GGT5: variants seen among roughly 807,000 people sequenced by gnomAD.
GGT5 encodes gamma-glutamyltransferase 5, also known as glutathione hydrolase 5 proenzyme.
GGT5 carries 50 observed loss-of-function variants against 58.1 expected under a neutral mutation model. The observed-to-expected ratio is 0.86, with a 90% CI of 0.69 to 1.09. GGT5 has a LOEUF of 1.09. Ranked by LOEUF, GGT5 falls within the 50% of genes least tolerant of loss-of-function variation. The probability of loss-of-function intolerance (pLI) is 0.00; values close to 1 mark genes in which losing one functional copy is unlikely to be tolerated. For synonymous variants in GGT5, 370 were observed against 346.1 expected, an observed-to-expected ratio of 1.07 and a Z score of -0.77; for missense variants, 800 against 789.4, an observed-to-expected ratio of 1.01 and a Z score of -0.16.
chr22:24,237,653 T>TGCC (rs1569369933), intron 1 of GGT5, among the ~76,000 whole-genome samples: 1 of 151,680 alleles, frequency 6.6e-6, no homozygotes, highest in Non-Finnish European at 1.5e-5. Context: ...GTGATCTGCC[T>TGCC]GCCTTGGCCT....
Position 24,226,209 on chromosome 22 carries a change from C to T in GGT5, c.1096G>A (p.Asp366Asn), listed in dbSNP as rs372349468. The T allele has an allele frequency of 5.6e-5, 90 of 1,609,646 alleles. No homozygotes were observed. Among genetic ancestry groups the T allele is most frequent in the Non-Finnish European group, 7.0e-5 (83 of 1,179,860 alleles). ...CTGAGCTGGTGGTCCCCCCGGCCATCGATCTGTTGGCGGATGAGCTGGGCC... is the reference window on the plus strand; with the variant it reads ...CTGAGCTGGTGGTCCCCCCGGCCATTGATCTGTTGGCGGATGAGCTGGGCC... ...TLAQLIRQQI[D>N]GRGDHQLSHY... Residue 366 changes from aspartate (D) to asparagine (N), a missense_variant, in exon 8 of 12, where the codon GAT (aspartate) becomes AAT (asparagine). Physicochemically the swap from Asp to Asn is conservative, Grantham distance 23. Transcript: ENST00000327365.
Position 24,225,644 on chromosome 22 carries a change from G to C in GGT5, c.1238C>G (p.Ala413Gly), listed in dbSNP as rs769456009. Residue 413 changes from alanine to glycine, a missense_variant, in exon 9 of 12, where the codon GCG (alanine) becomes GGG (glycine). Physicochemically the swap from Ala to Gly is moderately conservative, Grantham distance 60 (BLOSUM62 0). Coordinates refer to ENST00000327365, the MANE Select transcript of GGT5 (RefSeq NM_004121.5). ...ATSTINTPFG[A>G]MVYSPRTGII... is the part of the protein sequence containing the mutation. ...GCCTGTCCGTGGTGAATACACCATC[G>C]CTCCAAAGCTGCAGCCGTGGAGGCA... 1.2e-6 allele frequency: 2 copies of C among 1,605,830 alleles called. No individual in the cohort carries two copies. The highest frequency in any genetic ancestry group is 1.7e-6 in the Non-Finnish European group (2 of 1,172,914).
intron 5 of GGT5, among the ~76,000 whole-genome samples, chr22:24,231,802 C>T (rs2047949462): frequency 6.6e-6 from 1 of 152,080 alleles, no homozygotes; most frequent in Non-Finnish European, 1.5e-5. Flanking sequence ...ATGGTCAGCT[C>T]GGCTACCCAG....
chr22:24,231,402 T>G lies in GGT5; in HGVS notation c.883A>C (p.Ile295Leu), dbSNP rs1199287575. 1 of 1,551,574 alleles carries G rather than the reference T, an allele frequency of 6.4e-7. No homozygotes were observed. The highest frequency in any genetic ancestry group is 2.4e-5 in the East Asian group (1 of 41,006). Reference sequence around the variant, plus strand: ...GCTTTACCTCTTAGCACGTTGAGGATAAAGCTGAGAATGGCACCCCCTGCA... The same window carrying G: ...GCTTTACCTCTTAGCACGTTGAGGAGAAAGCTGAGAATGGCACCCCCTGCA... ...PPAGGAILSF[I>L]LNVLRGFNFS... Residue 295 changes from isoleucine to leucine, a missense_variant, in exon 6 of 12, where the codon ATC (isoleucine) becomes CTC (leucine). Ile to Leu is a conservative substitution (Grantham distance 5). Coordinates refer to ENST00000327365, the MANE Select transcript of GGT5 (RefSeq NM_004121.5).
intron 1 of GGT5, among the ~76,000 whole-genome samples, chr22:24,238,794 T>TA (rs113729470): frequency 0.066 from 631 of 9,600 alleles, 57 homozygotes; most frequent in Non-Finnish European, 0.074. Flanking sequence ...ATATTATATA[T>TA]TTATATATAT....
chr22:24,226,004 C>T (rs1569355918), intron 8 of GGT5, 72 bp downstream of exon 8: 1 of 1,094,988 alleles, frequency 9.1e-7, no homozygotes, highest in African/African-American at 1.6e-5. Flanking sequence ...AGTGAGGGGA[C>T]ATGGGGCTGG....
In GGT5 at chr22:24,238,854, ATT is replaced by A. The variant is rs1491472826; in HGVS notation, c.174-4852_174-4851del. On this transcript the variant is annotated intron_variant, in intron 1 of 11. Coordinates refer to ENST00000327365, the MANE Select transcript of GGT5 (RefSeq NM_004121.5). ...ATATTTATATATATATATTATATAT[ATT>A]ATATATATAATATATATAATATATA... 1.9e-3 allele frequency among the ~76,000 whole-genome samples: 30 copies of A among 15,758 alleles called. 1 individual carries two copies. The highest frequency in any genetic ancestry group is 0.01 in the African/African-American group (28 of 2,766). 10.3% of individuals were successfully genotyped at this position (15,758 alleles called of 152,430 possible).
chr22:24,220,848 G>A (rs2047569392), intron 11 of GGT5: 1 of 354,870 alleles, frequency 2.8e-6, no homozygotes, highest in Non-Finnish European at 5.5e-6. Context: ...CCTGGGCAAT[G>A]TAGCAAGATC....
At chr22:24,225,716 C>T (rs1482237289) in intron 8 of GGT5, 64 bp from the exon 9 acceptor site, 4 of 962,868 alleles carry the variant, frequency 4.2e-6, no homozygotes, top group African/African-American at 3.2e-5. Context: ...CACCACTTAC[C>T]CTGCACGCTT....
intron 1 of GGT5, among the ~76,000 whole-genome samples, chr22:24,236,948 C>T (rs12160538): frequency 9.9e-5 from 15 of 151,054 alleles, no homozygotes; most frequent in African/African-American, 1.9e-4. Flanking sequence ...CTCAAGGTGA[C>T]GGCCAATCCT....
chr22:24,236,762 CA>C (rs35357003), intron 1 of GGT5, among the ~76,000 whole-genome samples: 4,104 of 133,622 alleles, frequency 0.031, 90 homozygotes, highest in African/African-American at 0.066. Flanking sequence ...GACTCCATCT[CA>C]AAAAAAAAAA....
chr22:24,223,853 C>T (rs923810120), intron 11 of GGT5, among the ~76,000 whole-genome samples: 4 of 149,096 alleles, frequency 2.7e-5, no homozygotes, highest in Admixed American at 1.4e-4. Context: ...ACCTCTACCT[C>T]CTGGGTTCAA....
At position 24,244,752 on chromosome 22, in the gene GGT5, C is replaced by T. The variant is rs375286288; in HGVS notation, c.-27G>A. On this transcript the variant is annotated 5_prime_UTR_variant, in exon 1 of 12. Transcript: ENST00000327365. ...GCTCTGCAGCCCAGGAGGAGAGGGGCGGCTGGTGGGCAGACGGAGGGACGG... is the reference window on the plus strand; with the variant it reads ...GCTCTGCAGCCCAGGAGGAGAGGGGTGGCTGGTGGGCAGACGGAGGGACGG... 4.4e-5 allele frequency: 69 copies of T among 1,583,222 alleles called. No homozygotes were observed. The highest frequency in any genetic ancestry group is 2.1e-4 in the Middle Eastern group (1 of 4,780).
chr22:24,232,128 G>A lies in GGT5; in HGVS notation c.677C>T (p.Thr226Ile), dbSNP rs1359488202. ...PWPALATTLETVATEGVEVFY... is the reference protein window; with the variant it reads ...PWPALATTLEIVATEGVEVFY... The stretch of plus-strand genomic sequence containing the variant: ...GACCTCCACGCCCTCTGTGGCCACG[G>A]TCTCCAGGGTGGTGGCCAGTGCAGG... The change falls in exon 5 of 12, where the codon ACC becomes ATC. Residue 226 changes from threonine (T) to isoleucine (I), a missense_variant. Coordinates refer to ENST00000327365, the MANE Select transcript of GGT5 (RefSeq NM_004121.5). 2 of 1,607,070 alleles carry A rather than the reference G, an allele frequency of 1.2e-6. No homozygotes were observed. Among genetic ancestry groups the A allele is most frequent in the Non-Finnish European group, 8.5e-7 (1 of 1,175,438 alleles).
intron 3 of GGT5, 135 bp downstream of exon 3, chr22:24,233,363 G>A: frequency 1.7e-6 from 1 of 584,762 alleles, no homozygotes; most frequent in Non-Finnish European, 3.0e-6. Flanking sequence ...GGGGCTGGGG[G>A]TTCCCCACAG....
At chr22:24,227,012 A>T (rs1281624228) in intron 6 of GGT5, among the ~76,000 whole-genome samples, 1 of 144,406 alleles carries the variant, frequency 6.9e-6, no homozygotes, top group Non-Finnish European at 1.5e-5. Flanking sequence ...GCAATGGCGC[A>T]GTCTCAGCTC....
At position 24,219,817 on chromosome 22, in the gene GGT5, T is replaced by G. The variant is rs553799444; in HGVS notation, c.*153A>C. The stretch of plus-strand genomic sequence containing the variant: ...TAGGGATGAGGCTCAGCCTCTCATC[T>G]GCCCAGCTGGTCCCCGCCACCTCTT... On this transcript the variant is annotated 3_prime_UTR_variant, in exon 12 of 12. Transcript: ENST00000327365. 4 of 691,720 alleles carry G rather than the reference T, an allele frequency of 5.8e-6. No individual in the cohort carries two copies. The highest frequency in any genetic ancestry group is 1.9e-5 in the South Asian group (1 of 53,614). The allele number at this position is 691,720 out of a possible 1,614,324, so 42.8% of individuals were successfully genotyped here. A position where few individuals can be genotyped will look rare whatever the true frequency, so the allele number is the denominator to read the frequency against.
intron 5 of GGT5, 26 bp downstream of exon 5, chr22:24,232,025 G>A: frequency 1.9e-6 from 3 of 1,598,156 alleles, no homozygotes; most frequent in Non-Finnish European, 2.6e-6. Context: ...AGCAGGGATG[G>A]GGTATGGAAC....
In GGT5 at chr22:24,225,274, C is replaced by A; in HGVS notation, c.1474G>T (p.Gly492Trp). ...GSKLVIGGAGGELIISAVAQA... is the reference protein window; with the variant it reads ...GSKLVIGGAGWELIISAVAQA... ...GCCACAGCAGAGATGATGAGCTCCC[C>A]GCCAGCCCCGCCAATCACTAGCTTC... Residue 492 changes from glycine to tryptophan, a missense_variant, in exon 10 of 12, where the codon GGG becomes TGG. Physicochemically the swap from Gly to Trp is radical, Grantham distance 184. Coordinates refer to ENST00000327365, the MANE Select transcript of GGT5 (RefSeq NM_004121.5). 1 of 1,613,762 alleles carries A rather than the reference C, an allele frequency of 6.2e-7. No individual in the cohort carries two copies. The highest frequency in any genetic ancestry group is 8.5e-7 in the Non-Finnish European group (1 of 1,179,932).
Sources: allele counts gnomAD v4.1 joint callset (sites outside exome capture counted in the v4.1 genomes callset), GRCh38; gene constraint gnomAD v4.1.1; transcripts MANE v1.5; gene names NCBI Gene and HGNC (gene_info 2026-07-23, HGNC 2026-07-21).